The following MRRF variants were observed in gnomAD, a reference collection of about 807,000 sequenced individuals.
MRRF encodes ribosome-recycling factor, mitochondrial.
Under a neutral mutation model 25.1 loss-of-function variants are expected in MRRF, and 18 were observed. The ratio of observed to expected loss-of-function variants is 0.72; its 90% CI spans 0.50 to 1.06. The LOEUF is 1.06. Ranked by LOEUF, MRRF falls within the 50% of genes least tolerant of loss-of-function variation. The pLI, the probability that MRRF is intolerant of heterozygous loss-of-function variation, is 0.00. For synonymous variants in MRRF, 113 were observed against 112.1 expected, an observed-to-expected ratio of 1.01 and a Z score of -0.05; for missense variants, 323 against 319.3, an observed-to-expected ratio of 1.01 and a Z score of -0.09.
At chr9:122,268,376 T>C (rs1832249940) in intron 1 of MRRF, among the ~76,000 whole-genome samples, 1 of 152,236 alleles carries the variant, frequency 6.6e-6, no homozygotes. Flanking sequence ...CTGTCTTAAA[T>C]GGAGCAGCCA....
chr9:122,325,651 TGTGTGTGTG>T lies in MRRF; in HGVS notation c.*3035_*3043del. Reference sequence around the variant, plus strand: ...TGTCTGGTGTGTGTGTGTGTGTGTGTGTGTGTGTGTGTGTGTGTGTGTGTGTGTGTGTGT... The same window carrying T: ...TGTCTGGTGTGTGTGTGTGTGTGTGTTGTGTGTGTGTGTGTGTGTGTGTGT... On this transcript the variant is annotated 3_prime_UTR_variant, in exon 7 of 7. Coordinates refer to ENST00000344641, the MANE Select transcript of MRRF (RefSeq NM_138777.5). 1 of 119,778 alleles carries T rather than the reference TGTGTGTGTG, an allele frequency of 8.3e-6. No individual in the cohort carries two copies. The highest frequency in any genetic ancestry group is 8.4e-5 in the Admixed American group (1 of 11,872). The allele number at this position is 119,778 out of a possible 1,614,324, so 7.4% of individuals were successfully genotyped here.
intron 4 of MRRF, among the ~76,000 whole-genome samples, chr9:122,288,594 T>C (rs762083220): frequency 3.3e-5 from 5 of 152,218 alleles, no homozygotes; most frequent in African/African-American, 4.8e-5. Flanking sequence ...TAGTTTCTAT[T>C]TGAGGTGCTG....
At chr9:122,283,645 T>C (rs897541398) in intron 3 of MRRF, among the ~76,000 whole-genome samples, 2 of 152,358 alleles carry the variant, frequency 1.3e-5, no homozygotes, top group Non-Finnish European at 2.9e-5. Flanking sequence ...ATCAGATCTT[T>C]GGGCCACAGT....
chr9:122,293,680 G>C (rs977671240), intron 5 of MRRF, among the ~76,000 whole-genome samples: 1 of 152,188 alleles, frequency 6.6e-6, no homozygotes, highest in Non-Finnish European at 1.5e-5. Context: ...GTTCAAGTTT[G>C]TTTGGCAAGT....
At chr9:122,267,069 CAAAAA>C (rs755642170) in intron 1 of MRRF, among the ~76,000 whole-genome samples, 1 of 77,508 alleles carries the variant, frequency 1.3e-5, no homozygotes, top group Non-Finnish European at 2.6e-5. Context: ...GACTCCGTCT[CAAAAA>C]AAAAAAAAAA....
At chr9:122,289,910 C>A (rs981506157) in intron 4 of MRRF, among the ~76,000 whole-genome samples, 2 of 151,516 alleles carry the variant, frequency 1.3e-5, no homozygotes, top group African/African-American at 2.4e-5. Flanking sequence ...GACCTGTAGT[C>A]CCAGCTCTTC....
intron 1 of MRRF, among the ~76,000 whole-genome samples, chr9:122,267,460 G>A (rs1298443710): frequency 1.3e-5 from 2 of 152,090 alleles, no homozygotes; most frequent in Non-Finnish European, 2.9e-5. Context: ...TGGATGCCAG[G>A]CATTGTACTG....
At chr9:122,300,939 G>T (rs1023301282) in intron 5 of MRRF, among the ~76,000 whole-genome samples, 3 of 152,118 alleles carry the variant, frequency 2.0e-5, no homozygotes, top group African/African-American at 7.2e-5. Context: ...ATTTCTTTAC[G>T]TTCCTGAAAA....
Position 122,329,427 on chromosome 9 carries a change from TCTC to T in MRRF, c.*6813_*6815del, listed in dbSNP as rs1836224247. The T allele has an allele frequency of 6.6e-6, 1 of 152,170 alleles. No homozygotes were observed. The highest frequency in any genetic ancestry group is 2.1e-4 in the South Asian group (1 of 4,828). The allele number at this position is 152,170 out of a possible 1,614,324, so 9.4% of individuals were successfully genotyped here. A position where few individuals can be genotyped will look rare whatever the true frequency, so the allele number is the denominator to read the frequency against. On this transcript the variant is annotated 3_prime_UTR_variant, in exon 7 of 7. Transcript: ENST00000344641. ...TTCATTCATTATCCATCCCGATGCT[TCTC>T]CTGATTCATTCATTCATTATCCATA...
At chr9:122,271,183 T>A in intron 2 of MRRF, 108 bp downstream of exon 2, 2 of 969,298 alleles carry the variant, frequency 2.1e-6, no homozygotes, top group Non-Finnish European at 3.4e-6. Flanking sequence ...CTTGCTAACA[T>A]GAGGAAATGG....
In MRRF at chr9:122,323,788, T is replaced by C. The variant is rs1588097417; in HGVS notation, c.*1171T>C. On this transcript the variant is annotated 3_prime_UTR_variant, in exon 7 of 7. Transcript: ENST00000344641. ...AAATAGGAAAACTAAGTCTTGACAGTATTAGGTAATTTGCCCAAAGTAACA... is the reference window on the plus strand; with the variant it reads ...AAATAGGAAAACTAAGTCTTGACAGCATTAGGTAATTTGCCCAAAGTAACA... 2.0e-5 allele frequency: 3 copies of C among 152,294 alleles called. No individual in the cohort carries two copies. Among genetic ancestry groups the C allele is most frequent in the Middle Eastern group, 6.8e-3 (2 of 294 alleles). The allele number at this position is 152,294 out of a possible 1,614,324, so 9.4% of individuals were successfully genotyped here.
Position 122,271,037 on chromosome 9 carries a change from C to T in MRRF, c.146C>T (p.Ala49Val). Residue 49 changes from alanine to valine, a missense_variant, in exon 2 of 7, where the codon GCT becomes GTT. Physicochemically the swap from Ala to Val is moderately conservative, Grantham distance 64. Transcript: ENST00000344641. ...HGHRQYMAYS[A>V]VPVRHFATKK... is the part of the protein sequence containing the mutation. ...CATAGGCAATACATGGCCTATTCAGCTGTACCAGTCCGCCATTTTGCTACC... is the reference window on the plus strand; with the variant it reads ...CATAGGCAATACATGGCCTATTCAGTTGTACCAGTCCGCCATTTTGCTACC... 4 of 1,614,198 alleles carry T rather than the reference C, an allele frequency of 2.5e-6. No individual in the cohort carries two copies. The highest frequency in any genetic ancestry group is 3.4e-6 in the Non-Finnish European group (4 of 1,180,022).
chr9:122,318,027 C>T (rs994417401), intron 6 of MRRF, among the ~76,000 whole-genome samples: 5 of 152,086 alleles, frequency 3.3e-5, no homozygotes, highest in Admixed American at 2.0e-4. Flanking sequence ...GTCCCAGCTA[C>T]TCGGGAGGCT....
rs145512374 is a variant in MRRF, at chr9:122,298,724, G to A, written c.551+6884G>A. Among the ~76,000 whole-genome samples the A allele has an allele frequency of 3.7e-3, 557 of 152,290 alleles. 3 individuals carry two copies. Among genetic ancestry groups the A allele is most frequent in the African/African-American group, 0.013 (524 of 41,574 alleles). On this transcript the variant is annotated intron_variant, in intron 5 of 6. Transcript: ENST00000344641. Reference sequence around the variant, plus strand: ...ACACTGATGATAAAGTAGTGAATAAGCCAGACAAAACCTTTGCCCTTAATG... The same window carrying A: ...ACACTGATGATAAAGTAGTGAATAAACCAGACAAAACCTTTGCCCTTAATG...
At chr9:122,285,471 T>A (rs1564483969) in intron 4 of MRRF, 184 bp downstream of exon 4, 1 of 645,622 alleles carries the variant, frequency 1.5e-6, no homozygotes, top group Middle Eastern at 4.2e-4. Context: ...TAAACTCAGA[T>A]GCTACAGAGG....
chr9:122,275,458 C>A (rs1771725996), intron 2 of MRRF, among the ~76,000 whole-genome samples: 2 of 151,946 alleles, frequency 1.3e-5, no homozygotes, highest in Admixed American at 6.6e-5. Flanking sequence ...TGTGGTGAAA[C>A]CTCTTCTCTA....
chr9:122,298,983 A>T (rs1225396488), intron 5 of MRRF, among the ~76,000 whole-genome samples: 1 of 152,158 alleles, frequency 6.6e-6, no homozygotes, highest in Non-Finnish European at 1.5e-5. Context: ...TATATCCAGC[A>T]CTGAGGCAGA....
At chr9:122,304,094 C>T (rs1411211631) in intron 5 of MRRF, among the ~76,000 whole-genome samples, 1 of 151,892 alleles carries the variant, frequency 6.6e-6, no homozygotes, top group Non-Finnish European at 1.5e-5. Context: ...CACACACACA[C>T]ACACACCCTT....
chr9:122,273,600 G>A (rs1481100293), intron 2 of MRRF, among the ~76,000 whole-genome samples: 1 of 151,838 alleles, frequency 6.6e-6, no homozygotes, highest in African/African-American at 2.4e-5. Context: ...ATAAGTTTGT[G>A]CTTCAGTGAA....
Sources: gnomAD v4.1 joint callset for allele counts (sites outside exome capture counted in the v4.1 genomes callset) on GRCh38, gnomAD v4.1.1 for gene constraint, MANE v1.5 for transcripts, NCBI Gene and HGNC (gene_info 2026-07-23, HGNC 2026-07-21) for gene names.